The following CNOT7 variants were observed in gnomAD, a reference collection of about 807,000 sequenced individuals.
The protein encoded by CNOT7 is BTG1-binding factor 1.
A neutral mutation model predicts 37.1 loss-of-function variants in CNOT7; 4 were observed. The ratio of observed to expected loss-of-function variants is 0.11; its 90% CI spans 0.05 to 0.25. CNOT7 has a LOEUF of 0.25. Among genes scored for constraint, CNOT7 ranks in the 10% least tolerant of loss-of-function variants. The pLI is 1.00. For missense variants in CNOT7, 170 were observed against 336.2 expected, an observed-to-expected ratio of 0.51 and a Z score of 3.87; for synonymous variants, 128 against 115.6, an observed-to-expected ratio of 1.11 and a Z score of -0.69.
Position 17,228,099 on chromosome 8 carries a change from T to C in CNOT7, c.*2621A>G, listed in dbSNP as rs1023036816. 4 of 151,938 alleles carry C rather than the reference T, an allele frequency of 2.6e-5. No individual in the cohort carries two copies. The highest frequency in any genetic ancestry group is 9.7e-5 in the African/African-American group (4 of 41,424). The allele number at this position is 151,938 out of a possible 1,614,324, so 9.4% of individuals were successfully genotyped here. ...TAGACACTAAAATTTGAATTTCATG[T>C]AATTTTCAGATGTCAGGAAATAATC... On this transcript the variant is annotated 3_prime_UTR_variant, in exon 7 of 7. Coordinates refer to ENST00000361272, the MANE Select transcript of CNOT7 (RefSeq NM_013354.7).
Position 17,227,970 on chromosome 8 carries a change from CACAT to C in CNOT7, c.*2746_*2749del, listed in dbSNP as rs1489528155. ...CCAAGCGGCAATGTGAAACAAGACA[CACAT>C]ACACAGGTTCTGTAGCAGCTACTCA... is the stretch of plus-strand genomic sequence containing the variant. On this transcript the variant is annotated 3_prime_UTR_variant, in exon 7 of 7. Coordinates refer to ENST00000361272, the MANE Select transcript of CNOT7 (RefSeq NM_013354.7). The C allele has an allele frequency of 6.6e-6, 1 of 151,908 alleles. No homozygotes were observed. The highest frequency in any genetic ancestry group is 1.5e-5 in the Non-Finnish European group (1 of 67,832). The allele number at this position is 151,908 out of a possible 1,614,324, so 9.4% of individuals were successfully genotyped here.
rs1342684470 is a variant in CNOT7 at position 17,227,393 on chromosome 8, G to GAATT, written c.*3323_*3326dup. 1.3e-5 allele frequency: 2 copies of GAATT among 151,836 alleles called. No homozygotes were observed. Among genetic ancestry groups the GAATT allele is most frequent in the Non-Finnish European group, 2.9e-5 (2 of 67,802 alleles). 9.4% of individuals were successfully genotyped at this position (151,836 alleles called of 1,614,324 possible). On this transcript the variant is annotated 3_prime_UTR_variant, in exon 7 of 7. Transcript: ENST00000361272. ...GCAGTACTGACTAGTAAGAGGCAAA[G>GAATT]AATTAACAGTGTCATTTGATGTTGT...
Position 17,246,830 on chromosome 8 carries a change from CACCGTGCTGCGCCGT to C in CNOT7, c.-266_-252del, listed in dbSNP as rs560107781. On this transcript the variant is annotated 5_prime_UTR_variant, in exon 1 of 7. Transcript: ENST00000361272. The stretch of plus-strand genomic sequence containing the variant: ...GGAAAGGCGAGCAGGAGCTGCGCCG[CACCGTGCTGCGCCGT>C]CGCTTTTCGCACGTCCTGACGGGGG... 1.5e-4 allele frequency: 40 copies of C among 258,938 alleles called. No individual in the cohort carries two copies. The highest frequency in any genetic ancestry group is 1.4e-3 in the South Asian group (39 of 28,018). 16.0% of individuals were successfully genotyped at this position (258,938 alleles called of 1,614,324 possible). A position where few individuals can be genotyped will look rare whatever the true frequency, so the allele number is the denominator to read the frequency against.
At chr8:17,242,033 T>A (rs1483325515) in intron 3 of CNOT7, 1 of 152,204 alleles carries the variant, frequency 6.6e-6, no homozygotes, top group Non-Finnish European at 1.5e-5. Flanking sequence ...CGTGGCACAG[T>A]GCACTCACAC....
At chr8:17,244,523 G>C (rs1271076259) in intron 2 of CNOT7, 1 of 152,364 alleles carries the variant, frequency 6.6e-6, no homozygotes, top group African/African-American at 2.4e-5. Flanking sequence ...CCTCAAATAA[G>C]GCCACTCTGT....
intron 5 of CNOT7, among the ~76,000 whole-genome samples, chr8:17,233,065 A>T (rs755259377): frequency 2.0e-5 from 3 of 152,204 alleles, no homozygotes; most frequent in Non-Finnish European, 4.4e-5. Flanking sequence ...ACAACTCCTT[A>T]GAGTGGTCTG....
At chr8:17,236,416 T>C (rs1323413928) in intron 4 of CNOT7, among the ~76,000 whole-genome samples, 20 of 152,232 alleles carry the variant, frequency 1.3e-4, no homozygotes, top group Non-Finnish European at 1.0e-4. Context: ...AAAACTCTTT[T>C]TCATACCTGG....
Position 17,225,535 on chromosome 8 carries a change from GTAAC to G in CNOT7, c.*5181_*5184del, listed in dbSNP as rs1808097497. On this transcript the variant is annotated 3_prime_UTR_variant, in exon 7 of 7. Coordinates refer to ENST00000361272, the MANE Select transcript of CNOT7 (RefSeq NM_013354.7). ...ATTGCTTTTATACTAAACGTTAAAT[GTAAC>G]TAATGCTGTAGAAAACTGTTTAAAA... The G allele has an allele frequency of 1.3e-5, 2 of 151,724 alleles. No individual in the cohort carries two copies. Among genetic ancestry groups the G allele is most frequent in the Non-Finnish European group, 3.0e-5 (2 of 67,676 alleles). 9.4% of individuals were successfully genotyped at this position (151,724 alleles called of 1,614,324 possible).
At chr8:17,232,282 T>G (rs979289761) in intron 6 of CNOT7, 145 bp downstream of exon 6, 5 of 1,502,674 alleles carry the variant, frequency 3.3e-6, no homozygotes, top group Non-Finnish European at 3.5e-6. Flanking sequence ...TTGAATACTT[T>G]TAAGTGTGGT....
At chr8:17,238,661 T>C (rs899089521) in intron 3 of CNOT7, among the ~76,000 whole-genome samples, 1 of 152,214 alleles carries the variant, frequency 6.6e-6, no homozygotes, top group Non-Finnish European at 1.5e-5. Flanking sequence ...AAACAGATTC[T>C]TCTCCAGGTG....
chr8:17,243,653 C>A (rs771773464), intron 2 of CNOT7: 1 of 456,498 alleles, frequency 2.2e-6, no homozygotes, highest in South Asian at 1.5e-5. Context: ...TTCCTAATTT[C>A]TCTGGCTTAA....
At chr8:17,238,080 T>A (rs2150988408) in intron 3 of CNOT7, among the ~76,000 whole-genome samples, 1 of 152,324 alleles carries the variant, frequency 6.6e-6, no homozygotes, top group East Asian at 1.9e-4. Context: ...AAGAAAGCCA[T>A]CTCCAACCTC....
At chr8:17,239,545 G>C (rs1809856039) in intron 3 of CNOT7, among the ~76,000 whole-genome samples, 2 of 152,108 alleles carry the variant, frequency 1.3e-5, no homozygotes, top group African/African-American at 4.8e-5. Context: ...GCCCAGACTG[G>C]AGTCAGTGGC....
intron 1 of CNOT7, chr8:17,246,400 G>A (rs917931816): frequency 2.0e-5 from 3 of 152,746 alleles, no homozygotes; most frequent in African/African-American, 2.4e-5. Context: ...ACAATACGAA[G>A]AGGTGAGGAT....
intron 6 of CNOT7, chr8:17,231,460 A>C (rs1257349989): frequency 1.1e-6 from 1 of 929,636 alleles, no homozygotes; most frequent in Non-Finnish European, 1.3e-6. Flanking sequence ...CCAAAACAAA[A>C]TATTTACGTG....
At chr8:17,240,001 A>T (rs1374421860) in intron 3 of CNOT7, among the ~76,000 whole-genome samples, 1 of 152,220 alleles carries the variant, frequency 6.6e-6, no homozygotes, top group Non-Finnish European at 1.5e-5. Context: ...AAGAGTTACA[A>T]AACACTGAGT....
At chr8:17,231,130 T>C (rs1024198100) in intron 6 of CNOT7, among the ~76,000 whole-genome samples, 3 of 152,032 alleles carry the variant, frequency 2.0e-5, no homozygotes, top group Non-Finnish European at 4.4e-5. Flanking sequence ...CATGGAAAAA[T>C]AACTATTCCA....
chr8:17,228,813 GAATTT>G lies in CNOT7; in HGVS notation c.*1902_*1906del, dbSNP rs1808326354. The G allele has an allele frequency of 6.6e-6, 1 of 151,926 alleles. No individual in the cohort carries two copies. 9.4% of individuals were successfully genotyped at this position (151,926 alleles called of 1,614,324 possible). On this transcript the variant is annotated 3_prime_UTR_variant, in exon 7 of 7. Coordinates refer to ENST00000361272, the MANE Select transcript of CNOT7 (RefSeq NM_013354.7). The stretch of plus-strand genomic sequence containing the variant: ...CATTGATTTCTCAAATAGTTGAACA[GAATTT>G]AAATATTAGTTTTCTCAGCTAACAA...
At position 17,245,099 on chromosome 8, in the gene CNOT7, G is replaced by A. The variant is rs373257623; in HGVS notation, c.54C>T (p.Cys18=). 2 of 1,613,600 alleles carry A rather than the reference G, an allele frequency of 1.2e-6. No homozygotes were observed. The highest frequency in any genetic ancestry group is 1.7e-6 in the Non-Finnish European group (2 of 1,179,816). The stretch of plus-strand genomic sequence containing the variant: ...TTTTCTTCATCTCTTCATCCAAGTT[G>A]CAAGCCCAAACTTCACAAATTCTTT... ...HSQRICEVWA[C]NLDEEMKKIR... The change falls in exon 2 of 7, where the codon TGC becomes TGT. Residue 18 remains cysteine, a synonymous_variant. Transcript: ENST00000361272.
Sources: gnomAD v4.1 joint callset for allele counts (sites outside exome capture counted in the v4.1 genomes callset) on GRCh38, gnomAD v4.1.1 for gene constraint, MANE v1.5 for transcripts, NCBI Gene and HGNC (gene_info 2026-07-23, HGNC 2026-07-21) for gene names.